HOXB8: variants seen among roughly 807,000 people sequenced by gnomAD.
HOXB8 encodes homeobox protein Hox-B8.
HOXB8 carries 17 observed loss-of-function variants against 22.2 expected under a neutral mutation model. The ratio of observed to expected loss-of-function variants is 0.77; its 90% CI spans 0.53 to 1.15. The LOEUF is 1.15. HOXB8 is among the 50% of genes most tolerant of loss of function. HOXB8 has a pLI of 0.00. For synonymous variants in HOXB8, 156 were observed against 144.6 expected (o/e 1.08, Z -0.57); for missense variants, 287 against 323.8 (o/e 0.89, Z 0.87).
In HOXB8 at chr17:48,614,934, A is replaced by G. The variant is rs1360973717; in HGVS notation, c.-230T>C. On this transcript the variant is annotated 5_prime_UTR_variant, in exon 1 of 2. Transcript: ENST00000239144. This position sits in a 1 kb window ranked among gnomAD's most constrained non-coding sequence, Gnocchi z 4.1. ...CACTTTTTGTGGTTTCCAGGAATAG[A>G]AAAGGACAGAGAAGCCTCCAAAAGT... The G allele has an allele frequency of 6.3e-6, 3 of 478,264 alleles. No homozygotes were observed. Among genetic ancestry groups the G allele is most frequent in the Non-Finnish European group, 1.1e-5 (3 of 272,466 alleles). The allele number at this position is 478,264 out of a possible 1,614,324, so 29.6% of individuals were successfully genotyped here. A position where few individuals can be genotyped will look rare whatever the true frequency, so the allele number is the denominator to read the frequency against.
At position 48,614,884 on chromosome 17, in the gene HOXB8, G is replaced by A. The variant is rs1409311768; in HGVS notation, c.-180C>T. 1.4e-5 allele frequency: 8 copies of A among 556,690 alleles called. No individual in the cohort carries two copies. The highest frequency in any genetic ancestry group is 3.8e-5 in the African/African-American group (2 of 52,212). 34.5% of individuals were successfully genotyped at this position (556,690 alleles called of 1,614,324 possible). A position where few individuals can be genotyped will look rare whatever the true frequency, so the allele number is the denominator to read the frequency against. ...AGGGAAAAAAAGAAAAGAAAGAAAA[G>A]GCGAAGAAGATCTCGAAGCCGACAC... is the stretch of plus-strand genomic sequence containing the variant. On this transcript the variant is annotated 5_prime_UTR_variant, in exon 1 of 2. Coordinates refer to ENST00000239144, the MANE Select transcript of HOXB8 (RefSeq NM_024016.4). This position sits in a 1 kb window ranked among gnomAD's most constrained non-coding sequence, Gnocchi z 4.1.
In HOXB8 at chr17:48,613,253, C is replaced by T. The variant is rs746252317; in HGVS notation, c.681G>A (p.Arg227=). 15 of 1,613,620 alleles carry T rather than the reference C, an allele frequency of 9.3e-6. No homozygotes were observed. Among genetic ancestry groups the T allele is most frequent in the African/African-American group, 5.3e-5 (4 of 74,884 alleles). ...QEELEKQKLE[R]APEAADEGDA... is the part of the protein sequence containing the mutation. ...CGCCCTCGTCCGCCGCCTCTGGGGC[C>T]CGCTCCAGCTTCTGTTTCTCCAGCT... The change falls in exon 2 of 2, where the codon CGG becomes CGA. Residue 227 remains arginine, a synonymous_variant. Coordinates refer to ENST00000239144, the MANE Select transcript of HOXB8 (RefSeq NM_024016.4).
At position 48,613,201 on chromosome 17, in the gene HOXB8, C is replaced by A; in HGVS notation, c.*1G>T. On this transcript the variant is annotated 3_prime_UTR_variant, in exon 2 of 2. Transcript: ENST00000239144. ...GCGGCCCTGGCAGTCCCAGCTGAAG[C>A]CTACTTCTTGTCGCCCTTCTGCGCG... is the stretch of plus-strand genomic sequence containing the variant. The A allele has an allele frequency of 1.2e-6, 2 of 1,604,590 alleles. No homozygotes were observed. Among genetic ancestry groups the A allele is most frequent in the Non-Finnish European group, 1.7e-6 (2 of 1,175,296 alleles).
intron 1 of HOXB8, among the ~76,000 whole-genome samples, chr17:48,613,821 G>T (rs891651326): frequency 6.6e-6 from 1 of 152,136 alleles, no homozygotes; most frequent in Non-Finnish European, 1.5e-5. Context: ...TAGGAGGAAG[G>T]ATGTGAAGGA....
In HOXB8 at chr17:48,614,889, A is replaced by G; in HGVS notation, c.-185T>C. 1 of 555,650 alleles carries G rather than the reference A, an allele frequency of 1.8e-6. No homozygotes were observed. The highest frequency in any genetic ancestry group is 3.1e-6 in the Non-Finnish European group (1 of 321,966). The allele number at this position is 555,650 out of a possible 1,614,324, so 34.4% of individuals were successfully genotyped here. On this transcript the variant is annotated 5_prime_UTR_variant, in exon 1 of 2. Transcript: ENST00000239144. The surrounding 1 kb of genome is among the most constrained non-coding windows in gnomAD (Gnocchi z 4.1). ...AAAAAAGAAAAGAAAGAAAAGGCGA[A>G]GAAGATCTCGAAGCCGACACACTTT...
intron 1 of HOXB8, 139 bp from the exon 2 acceptor site, chr17:48,613,648 G>GT: frequency 1.7e-6 from 1 of 594,168 alleles, no homozygotes; most frequent in African/African-American, 1.9e-5. Context: ...CCGTGCGGGG[G>GT]CGGGGGGGGC....
At position 48,614,243 on chromosome 17, in the gene HOXB8, G is replaced by A. The variant is rs557823107; in HGVS notation, c.424+38C>T. 8.2e-6 allele frequency: 8 copies of A among 980,934 alleles called. No individual in the cohort carries two copies. The highest frequency in any genetic ancestry group is 4.2e-5 in the Admixed American group (1 of 23,908). The allele number at this position is 980,934 out of a possible 1,614,324, so 60.8% of individuals were successfully genotyped here. ...GCCTGCCAGGCCTTGGGCCCTTCCG[G>A]CCCCCTCCTGCCCTTGTCGGCCCCG... On this transcript the variant is annotated intron_variant, in intron 1 of 1. Coordinates refer to ENST00000239144, the MANE Select transcript of HOXB8 (RefSeq NM_024016.4). The surrounding 1 kb of genome is among the most constrained non-coding windows in gnomAD (Gnocchi z 4.1).
chr17:48,614,983 C>A lies in HOXB8; in HGVS notation c.-279G>T, dbSNP rs2070708024. The A allele has an allele frequency of 3.3e-6, 1 of 305,922 alleles. No homozygotes were observed. The highest frequency in any genetic ancestry group is 6.0e-6 in the Non-Finnish European group (1 of 167,806). 19.0% of individuals were successfully genotyped at this position (305,922 alleles called of 1,614,324 possible). A position where few individuals can be genotyped will look rare whatever the true frequency, so the allele number is the denominator to read the frequency against. ...GTCTAAGCTTGCATGGCAGCCGCGG[C>A]TCGCTCGCCCTCCCCCCACCCCCCA... On this transcript the variant is annotated 5_prime_UTR_variant, in exon 1 of 2. Coordinates refer to ENST00000239144, the MANE Select transcript of HOXB8 (RefSeq NM_024016.4). This position sits in a 1 kb window ranked among gnomAD's most constrained non-coding sequence, Gnocchi z 4.1.
At position 48,612,455 on chromosome 17, in the gene HOXB8, C is replaced by G. The variant is rs992840286; in HGVS notation, c.*747G>C. Reference sequence around the variant, plus strand: ...AATATATAATTAGCCCTCCCTCCCCCCCATAAAGCAATTCACGGATACAGA... The same window carrying G: ...AATATATAATTAGCCCTCCCTCCCCGCCATAAAGCAATTCACGGATACAGA... On this transcript the variant is annotated 3_prime_UTR_variant, in exon 2 of 2. Coordinates refer to ENST00000239144, the MANE Select transcript of HOXB8 (RefSeq NM_024016.4). 6.5e-6 allele frequency: 1 copy of G among 152,690 alleles called. No individual in the cohort carries two copies. The highest frequency in any genetic ancestry group is 1.5e-5 in the Non-Finnish European group (1 of 68,072). The allele number at this position is 152,690 out of a possible 1,614,324, so 9.5% of individuals were successfully genotyped here. A position where few individuals can be genotyped will look rare whatever the true frequency, so the allele number is the denominator to read the frequency against.
In HOXB8 at chr17:48,612,970, C is replaced by T. The variant is rs568752502; in HGVS notation, c.*232G>A. The T allele has an allele frequency of 3.0e-4, 60 of 199,158 alleles. No homozygotes were observed. The highest frequency in any genetic ancestry group is 5.0e-4 in the Non-Finnish European group (50 of 100,782). The allele number at this position is 199,158 out of a possible 1,614,324, so 12.3% of individuals were successfully genotyped here. On this transcript the variant is annotated 3_prime_UTR_variant, in exon 2 of 2. Transcript: ENST00000239144. ...GCCTTTGCTTAAATCCTTTTCTTTC[C>T]CCCCGGCCCCCAAGAGAAGGGAAGG...
Position 48,613,501 on chromosome 17 carries a change from C to A in HOXB8, c.433G>T (p.Gly145Ter). 8.5e-7 allele frequency: 1 copy of A among 1,174,758 alleles called. No individual in the cohort carries two copies. Among genetic ancestry groups the A allele is most frequent in the Non-Finnish European group, 1.1e-6 (1 of 924,800 alleles). The allele number at this position is 1,174,758 out of a possible 1,614,324, so 72.8% of individuals were successfully genotyped here. A position where few individuals can be genotyped will look rare whatever the true frequency, so the allele number is the denominator to read the frequency against. The part of the protein sequence containing the change: ...FPWMRPQAAA[G>*]RRRGRQTYSR... Reference sequence around the variant, plus strand: ...TAGGTCTGTCGGCCTCGCCTGCGTCCGGCGGCTGCTGGGAATGGGGGAAAG... The same window carrying A: ...TAGGTCTGTCGGCCTCGCCTGCGTCAGGCGGCTGCTGGGAATGGGGGAAAG... Residue 145 changes from glycine (G) to a stop codon, truncating the protein, a stop_gained, in exon 2 of 2, where the codon GGA becomes TGA. Coordinates refer to ENST00000239144, the MANE Select transcript of HOXB8 (RefSeq NM_024016.4). LOFTEE classifies it high-confidence loss of function.
intron 1 of HOXB8, among the ~76,000 whole-genome samples, chr17:48,613,882 T>C (rs2070690179): frequency 1.3e-5 from 2 of 152,194 alleles, no homozygotes; most frequent in African/African-American, 4.8e-5. Context: ...GGACCCACCT[T>C]GAAAAGCCCC....
At position 48,614,903 on chromosome 17, in the gene HOXB8, C is replaced by T. The variant is rs2070707085; in HGVS notation, c.-199G>A. The stretch of plus-strand genomic sequence containing the variant: ...AGAAAAGGCGAAGAAGATCTCGAAG[C>T]CGACACACTTTTTGTGGTTTCCAGG... On this transcript the variant is annotated 5_prime_UTR_variant, in exon 1 of 2. Transcript: ENST00000239144. The surrounding 1 kb of genome is among the most constrained non-coding windows in gnomAD (Gnocchi z 4.1). 5.6e-6 allele frequency: 3 copies of T among 539,206 alleles called. No individual in the cohort carries two copies. The highest frequency in any genetic ancestry group is 7.4e-5 in the Admixed American group (2 of 27,010). The allele number at this position is 539,206 out of a possible 1,614,324, so 33.4% of individuals were successfully genotyped here.
In HOXB8 at chr17:48,614,689, C is replaced by T. The variant is rs1480191622; in HGVS notation, c.16G>A (p.Val6Ile). The part of the protein sequence containing the change: MSSYF[V>I]NSLFSKYKTG... ...TTGTATTTGGAGAACAGTGAGTTGA[C>T]GAAATAAGAGCTCATTTTATTGAAT... Residue 6 changes from valine to isoleucine, a missense_variant, in exon 1 of 2, where the codon GTC (valine) becomes ATC (isoleucine). Physicochemically the swap from Val to Ile is conservative, Grantham distance 29. Around this residue, in one of 3 missense-constraint regions of HOXB8, gnomAD observed 229 missense variants for 239.8 expected, o/e 0.95. Transcript: ENST00000239144. The surrounding 1 kb of genome is among the most constrained non-coding windows in gnomAD (Gnocchi z 4.1). The T allele has an allele frequency of 1.3e-6, 2 of 1,557,470 alleles. No individual in the cohort carries two copies. Among genetic ancestry groups the T allele is most frequent in the South Asian group, 2.3e-5 (2 of 88,618 alleles).
At position 48,614,614 on chromosome 17, in the gene HOXB8, C is replaced by T. The variant is rs2070702220; in HGVS notation, c.91G>A (p.Asp31Asn). The T allele has an allele frequency of 1.2e-6, 2 of 1,609,602 alleles. No homozygotes were observed. Among genetic ancestry groups the T allele is most frequent in the Admixed American group, 1.7e-5 (1 of 59,332 alleles). The change falls in exon 1 of 2, where the codon GAC (aspartate) becomes AAC (asparagine). Residue 31 changes from aspartate to asparagine, a missense_variant. Physicochemically the swap from Asp to Asn is conservative, Grantham distance 23. This residue lies in a region of HOXB8 where 229 missense variants were observed against 239.8 expected (regional missense o/e 0.95). Coordinates refer to ENST00000239144, the MANE Select transcript of HOXB8 (RefSeq NM_024016.4). This position sits in a 1 kb window ranked among gnomAD's most constrained non-coding sequence, Gnocchi z 4.1. ...ACCACGGTGGGTCGGCCGCCCAGGT[C>T]CTGGGCGAAGCCGCAGTCATAATAA... ...PNYYDCGFAQDLGGRPTVVYG... is the reference protein window; with the variant it reads ...PNYYDCGFAQNLGGRPTVVYG...
chr17:48,615,224 TGAGAGCGAGAGAGAGCGAGCGAGAGA>T lies in HOXB8; in HGVS notation c.-546_-521del, dbSNP rs1392009815. Among the ~76,000 whole-genome samples, 1 of 143,188 alleles carries T rather than the reference TGAGAGCGAGAGAGAGCGAGCGAGAGA, an allele frequency of 7.0e-6. No homozygotes were observed. The highest frequency in any genetic ancestry group is 2.0e-4 in the East Asian group (1 of 4,936). 93.9% of individuals were successfully genotyped at this position (143,188 alleles called of 152,430 possible). A position where few individuals can be genotyped will look rare whatever the true frequency, so the allele number is the denominator to read the frequency against. On this transcript the variant is annotated 5_prime_UTR_variant, in exon 1 of 2. Transcript: ENST00000239144. Reference sequence around the variant, plus strand: ...TCCCGGACAGAACGCAGAGCGAGGGTGAGAGCGAGAGAGAGCGAGCGAGAGAGAGAGCTAGAGCGAGAGAGCGCCAG... The same window carrying T: ...TCCCGGACAGAACGCAGAGCGAGGGTGAGAGCTAGAGCGAGAGAGCGCCAG...
chr17:48,614,336 C>G lies in HOXB8; in HGVS notation c.369G>C (p.Glu123Asp), dbSNP rs1392546192. ...TGGGCGACGGGCTCTGCTCGGAGCC[C>G]TCGGCCTCCTCGCCCAGGCCGCTGG... ...AAASGLGEEA[E>D]GSEQSPSPTQ... The change falls in exon 1 of 2, where the codon GAG (glutamate) becomes GAC (aspartate). Residue 123 changes from glutamate (E) to aspartate (D), a missense_variant. By Grantham distance (45) the Glu-to-Asp change is conservative (BLOSUM62 2). Transcript: ENST00000239144. The surrounding 1 kb of genome is among the most constrained non-coding windows in gnomAD (Gnocchi z 4.1). The G allele has an allele frequency of 2.5e-6, 4 of 1,593,532 alleles. No homozygotes were observed. The highest frequency in any genetic ancestry group is 3.4e-6 in the Non-Finnish European group (4 of 1,174,940).
chr17:48,614,627 G>A lies in HOXB8; in HGVS notation c.78C>T (p.Cys26=). ...GGCCGCCCAGGTCCTGGGCGAAGCC[G>A]CAGTCATAATAATTGGGGCGCAGGG... is the stretch of plus-strand genomic sequence containing the variant. ...GESLRPNYYD[C]GFAQDLGGRP... is the part of the protein sequence containing the mutation. The change falls in exon 1 of 2, where the codon TGC becomes TGT. Residue 26 remains cysteine, a synonymous_variant. Transcript: ENST00000239144. The surrounding 1 kb of genome is among the most constrained non-coding windows in gnomAD (Gnocchi z 4.1). The A allele has an allele frequency of 6.2e-7, 1 of 1,609,640 alleles. No homozygotes were observed. Among genetic ancestry groups the A allele is most frequent in the South Asian group, 1.1e-5 (1 of 90,578 alleles).
chr17:48,613,684 A>C (rs934889254), intron 1 of HOXB8, among the ~76,000 whole-genome samples, 175 bp from the exon 2 acceptor site: 8 of 150,520 alleles, frequency 5.3e-5, no homozygotes, highest in Non-Finnish European at 1.0e-4. Context: ...TCGGCGGAGG[A>C]GGAGGGGCGA....
Sources: gnomAD v4.1 joint callset for allele counts (sites outside exome capture counted in the v4.1 genomes callset) on GRCh38, gnomAD v4.1.1 for gene constraint, gnomAD v4.1.1 regional missense constraint, Gnocchi (gnomAD v3.1) non-coding constraint, MANE v1.5 for transcripts, NCBI Gene and HGNC (gene_info 2026-07-23, HGNC 2026-07-21) for gene names.